EPS8L3: variants seen among roughly 807,000 people sequenced by gnomAD.
The protein encoded by EPS8L3 is EPS8 signaling adaptor L3.
Under a neutral mutation model 88.5 loss-of-function variants are expected in EPS8L3, and 80 were observed. That is an observed-to-expected ratio of 0.90 (90% confidence interval 0.75 to 1.09). The LOEUF (loss-of-function observed/expected upper bound fraction) is 1.09, where lower values mean the gene tolerates loss of function less well. Among genes scored for constraint, EPS8L3 ranks in the 50% least tolerant of loss-of-function variants. The probability of loss-of-function intolerance (pLI) is 0.00; values close to 1 mark genes in which losing one functional copy is unlikely to be tolerated. For missense variants in EPS8L3, 721 were observed against 735.2 expected, an observed-to-expected ratio of 0.98 and a Z score of 0.22; for synonymous variants, 286 against 291.0, an observed-to-expected ratio of 0.98 and a Z score of 0.18.
Position 109,757,294 on chromosome 1 carries a change from T to C in EPS8L3, c.970-129A>G, listed in dbSNP as rs749725560. ...ATGTTACCTCCTGCAAGGGGCCCCATCTGCCTTGGGCCTGCTGCTCCTTCC... is the reference window on the plus strand; with the variant it reads ...ATGTTACCTCCTGCAAGGGGCCCCACCTGCCTTGGGCCTGCTGCTCCTTCC... On this transcript the variant is annotated intron_variant, in intron 11 of 18. Transcript: ENST00000361965. The C allele has an allele frequency of 6.7e-5, 83 of 1,245,496 alleles. 1 individual carries two copies. The highest frequency in any genetic ancestry group is 9.1e-5 in the Non-Finnish European group (83 of 907,974). The allele number at this position is 1,245,496 out of a possible 1,614,324, so 77.2% of individuals were successfully genotyped here.
rs763258032 is a variant in EPS8L3, at chr1:109,761,504, G to C, written c.87C>G (p.His29Gln). The C allele has an allele frequency of 1.2e-6, 2 of 1,612,782 alleles. No individual in the cohort carries two copies. Among genetic ancestry groups the C allele is most frequent in the Non-Finnish European group, 1.7e-6 (2 of 1,179,158 alleles). The change falls in exon 3 of 19, where the codon CAC (histidine) becomes CAG (glutamine). Residue 29 changes from histidine to glutamine, a missense_variant. By Grantham distance (24) the His-to-Gln change is conservative. Coordinates refer to ENST00000361965, the MANE Select transcript of EPS8L3 (RefSeq NM_133181.4). Reference sequence around the variant, plus strand: ...CTGCAGAGGTACTCACCTCCACCCTGTGCTGCAGGAGGGTGGGCTCTGAGG... The same window carrying C: ...CTGCAGAGGTACTCACCTCCACCCTCTGCTGCAGGAGGGTGGGCTCTGAGG... ...NLTSEPTLLQ[H>Q]RVEHLMTCKQ...
chr1:109,761,065 A>G (rs1022107949), intron 3 of EPS8L3, among the ~76,000 whole-genome samples: 11 of 152,050 alleles, frequency 7.2e-5, no homozygotes, highest in Non-Finnish European at 1.5e-4. Flanking sequence ...AATCCCCCAC[A>G]GGGCCCAAAG....
chr1:109,759,139 G>A lies in EPS8L3; in HGVS notation c.406-22C>T. 1 of 1,591,016 alleles carries A rather than the reference G, an allele frequency of 6.3e-7. No homozygotes were observed. The highest frequency in any genetic ancestry group is 1.1e-5 in the South Asian group (1 of 89,976). ...CTGCCTGGGAAGCAGCAGTCAGGCA[G>A]GCTAAGTGTGTGTGTGTGTGTGTGT... On this transcript the variant is annotated intron_variant, in intron 5 of 18. Transcript: ENST00000361965. This position sits in a 1 kb window ranked among gnomAD's most constrained non-coding sequence, Gnocchi z 4.2.
At chr1:109,753,529 G>T (rs1469428938) in intron 12 of EPS8L3, among the ~76,000 whole-genome samples, 1 of 152,212 alleles carries the variant, frequency 6.6e-6, no homozygotes, top group Non-Finnish European at 1.5e-5. Flanking sequence ...AAGAGCTTTT[G>T]GGCTGGCCAA....
At position 109,759,715 on chromosome 1, in the gene EPS8L3, C is replaced by G. The variant is rs1352751458; in HGVS notation, c.218G>C (p.Arg73Thr). 6 of 1,614,034 alleles carry G rather than the reference C, an allele frequency of 3.7e-6. No individual in the cohort carries two copies. The Admixed American group carries it at 1.0e-4, about 27-fold the overall frequency. ...VWSQDLILQV[R>T]DGWLQLLDIE... is the part of the protein sequence containing the mutation. ...GTCCAGCAGCTGCAGCCAGCCGTCC[C>G]TGACCTGCAGGATCAAGTCTTGGCT... The change falls in exon 4 of 19, where the codon AGG becomes ACG. Residue 73 changes from arginine (R) to threonine (T), a missense_variant. Transcript: ENST00000361965. The surrounding 1 kb of genome is among the most constrained non-coding windows in gnomAD (Gnocchi z 4.2).
Position 109,751,270 on chromosome 1 carries a change from G to A in EPS8L3, c.1637+8C>T. On this transcript the variant is annotated splice_region_variant and intron_variant, in intron 17 of 18. Coordinates refer to ENST00000361965, the MANE Select transcript of EPS8L3 (RefSeq NM_133181.4). ...CTCCCTCCATATCCTGTAGGGCCAG[G>A]CACTCACGCAGTGGAGAAGTTCTCT... The A allele has an allele frequency of 6.2e-7, 1 of 1,612,982 alleles. No individual in the cohort carries two copies. The highest frequency in any genetic ancestry group is 8.5e-7 in the Non-Finnish European group (1 of 1,179,350).
chr1:109,761,971 G>A (rs577224386), intron 1 of EPS8L3, among the ~76,000 whole-genome samples, 198 bp from the exon 2 acceptor site: 203 of 152,262 alleles, frequency 1.3e-3, no homozygotes, highest in African/African-American at 4.8e-3. Flanking sequence ...GGCTGGGCCT[G>A]GAGGCCCCGG....
Position 109,759,723 on chromosome 1 carries a change from C to G in EPS8L3, c.210G>C (p.Leu70=). 1.2e-6 allele frequency: 2 copies of G among 1,614,108 alleles called. No individual in the cohort carries two copies. The highest frequency in any genetic ancestry group is 1.7e-6 in the Non-Finnish European group (2 of 1,180,018). Reference sequence around the variant, plus strand: ...GCTGCAGCCAGCCGTCCCTGACCTGCAGGATCAAGTCTTGGCTCCACACCC... The same window carrying G: ...GCTGCAGCCAGCCGTCCCTGACCTGGAGGATCAAGTCTTGGCTCCACACCC... ...QGRVWSQDLI[L]QVRDGWLQLL... is the part of the protein sequence containing the mutation. The change falls in exon 4 of 19, where the codon CTG becomes CTC. Residue 70 remains leucine, a synonymous_variant. Coordinates refer to ENST00000361965, the MANE Select transcript of EPS8L3 (RefSeq NM_133181.4). This position sits in a 1 kb window ranked among gnomAD's most constrained non-coding sequence, Gnocchi z 4.2.
intron 12 of EPS8L3, among the ~76,000 whole-genome samples, chr1:109,754,560 A>G (rs1261298440): frequency 6.6e-6 from 1 of 152,278 alleles, no homozygotes; most frequent in African/African-American, 2.4e-5. Context: ...ACATCATTTT[A>G]TGAATACTGA....
chr1:109,759,163 G>A lies in EPS8L3; in HGVS notation c.406-46C>T, dbSNP rs779534527. 2.5e-6 allele frequency: 4 copies of A among 1,605,376 alleles called. No individual in the cohort carries two copies. The highest frequency in any genetic ancestry group is 2.2e-5 in the East Asian group (1 of 44,810). ...AGGCTAAGTGTGTGTGTGTGTGTGTGTGTGTGTGTGTGTGTGTGTGGTGGG... is the reference window on the plus strand; with the variant it reads ...AGGCTAAGTGTGTGTGTGTGTGTGTATGTGTGTGTGTGTGTGTGTGGTGGG... On this transcript the variant is annotated intron_variant, in intron 5 of 18. Transcript: ENST00000361965. This position sits in a 1 kb window ranked among gnomAD's most constrained non-coding sequence, Gnocchi z 4.2.
In EPS8L3 at chr1:109,761,291, A is replaced by G. The variant is rs1313173560; in HGVS notation, c.96+204T>C. ...CCTCCAGCCAGGCCTGCTCTGTTCA[A>G]TCTGACCACCCCTCCCCGTCCCTGA... On this transcript the variant is annotated intron_variant, in intron 3 of 18. Transcript: ENST00000361965. 5 of 580,278 alleles carry G rather than the reference A, an allele frequency of 8.6e-6. No individual in the cohort carries two copies. The Admixed American group carries it at 1.2e-4, about 14-fold the overall frequency. 35.9% of individuals were successfully genotyped at this position (580,278 alleles called of 1,614,324 possible).
chr1:109,753,019 A>T, intron 13 of EPS8L3, 98 bp downstream of exon 13: 1 of 1,076,426 alleles, frequency 9.3e-7, no homozygotes, highest in Non-Finnish European at 1.4e-6. Context: ...TGCCAGTGTT[A>T]GGTCACACTA....
rs1278694587 is a variant in EPS8L3 at position 109,757,713 on chromosome 1, G to C, written c.894+89C>G. The C allele has an allele frequency of 1.0e-5, 15 of 1,486,704 alleles. No individual in the cohort carries two copies. In the African/African-American group the frequency reaches 1.8e-4, roughly 18 times the overall value. 92.1% of individuals were successfully genotyped at this position (1,486,704 alleles called of 1,614,324 possible). A position where few individuals can be genotyped will look rare whatever the true frequency, so the allele number is the denominator to read the frequency against. ...GGGGGAGTAGATGAAGAAGAAAAAG[G>C]CTTGGGATGGTTGAGTCCAGACAGC... On this transcript the variant is annotated intron_variant, in intron 10 of 18. Coordinates refer to ENST00000361965, the MANE Select transcript of EPS8L3 (RefSeq NM_133181.4).
At chr1:109,757,297 G>T in intron 11 of EPS8L3, 132 bp from the exon 12 acceptor site, 1 of 1,208,874 alleles carries the variant, frequency 8.3e-7, no homozygotes, top group Non-Finnish European at 1.1e-6. Flanking sequence ...GGCCCCATCT[G>T]CCTTGGGCCT....
intron 11 of EPS8L3, 84 bp downstream of exon 11, chr1:109,757,397 C>G: frequency 7.3e-7 from 1 of 1,375,228 alleles, no homozygotes; most frequent in Non-Finnish European, 1.0e-6. Context: ...CTCCCCCATC[C>G]CCCTCCACCA....
intron 11 of EPS8L3, 86 bp downstream of exon 11, chr1:109,757,395 T>C (rs1466807786): frequency 6.8e-6 from 9 of 1,320,126 alleles, no homozygotes; most frequent in East Asian, 2.3e-5. Flanking sequence ...TGCTCCCCCA[T>C]CCCCCTCCAC....
Position 109,761,486 on chromosome 1 carries a change from G to T in EPS8L3, c.96+9C>A. ...TTGGACACTGCCCGGGGGCTGCAGA[G>T]GTACTCACCTCCACCCTGTGCTGCA... On this transcript the variant is annotated intron_variant, in intron 3 of 18. Coordinates refer to ENST00000361965, the MANE Select transcript of EPS8L3 (RefSeq NM_133181.4). 6.2e-7 allele frequency: 1 copy of T among 1,607,942 alleles called. No individual in the cohort carries two copies.
chr1:109,759,962 C>T lies in EPS8L3; in HGVS notation c.97-126G>A, dbSNP rs1650737812. ...TCGGCCCCCTTGAGGTAGGAGGTTC[C>T]AGGCTTCAGATAAAGCAACTTTCCA... is the stretch of plus-strand genomic sequence containing the variant. On this transcript the variant is annotated intron_variant, in intron 3 of 18. Transcript: ENST00000361965. The surrounding 1 kb of genome is among the most constrained non-coding windows in gnomAD (Gnocchi z 4.2). The T allele has an allele frequency of 3.8e-6, 4 of 1,053,704 alleles. No individual in the cohort carries two copies. The highest frequency in any genetic ancestry group is 1.6e-5 in the African/African-American group (1 of 63,046). 65.3% of individuals were successfully genotyped at this position (1,053,704 alleles called of 1,614,324 possible). A position where few individuals can be genotyped will look rare whatever the true frequency, so the allele number is the denominator to read the frequency against.
rs773849001 is a variant in EPS8L3, at chr1:109,759,337, C to T, written c.306G>A (p.Ala102=). ...RLDSIQAMNV[A]LNTCSYNSIL... is the part of the protein sequence containing the mutation. ...TGGAGTTGTAGGAACATGTGTTGAGCGCCACATTCATGGCCTGGATGCTGT... is the reference window on the plus strand; with the variant it reads ...TGGAGTTGTAGGAACATGTGTTGAGTGCCACATTCATGGCCTGGATGCTGT... The change falls in exon 5 of 19, where the codon GCG becomes GCA. Residue 102 remains alanine, a synonymous_variant. Coordinates refer to ENST00000361965, the MANE Select transcript of EPS8L3 (RefSeq NM_133181.4). This position sits in a 1 kb window ranked among gnomAD's most constrained non-coding sequence, Gnocchi z 4.2. 3.7e-5 allele frequency: 60 copies of T among 1,613,988 alleles called. No homozygotes were observed. The highest frequency in any genetic ancestry group is 2.0e-4 in the South Asian group (18 of 91,076).
Sources: gnomAD v4.1 joint callset for allele counts (sites outside exome capture counted in the v4.1 genomes callset) on GRCh38, gnomAD v4.1.1 for gene constraint, Gnocchi (gnomAD v3.1) non-coding constraint, MANE v1.5 for transcripts, NCBI Gene and HGNC (gene_info 2026-07-23, HGNC 2026-07-21) for gene names.